Variants in EBF3 observed in about 807,000 individuals in gnomAD.
EBF3 encodes transcription factor COE3.
A neutral mutation model predicts 77.1 loss-of-function variants in EBF3; 18 were observed. The ratio of observed to expected loss-of-function variants is 0.23; its 90% CI spans 0.16 to 0.35. The LOEUF is 0.35. EBF3 is among the 10% of genes least tolerant of loss of function. The pLI is 1.00. For missense variants in EBF3, 558 were observed against 860.0 expected (o/e 0.65, Z 4.39); for synonymous variants, 350 against 343.5 (o/e 1.02, Z -0.21).
intron 6 of EBF3, among the ~76,000 whole-genome samples, chr10:129,949,656 C>T (rs1395799583): frequency 6.6e-6 from 1 of 152,152 alleles, no homozygotes; most frequent in East Asian, 1.9e-4. Context: ...ATGTCACCCT[C>T]GGATGGCCCC....
chr10:129,913,622 T>G (rs888758836), intron 6 of EBF3, among the ~76,000 whole-genome samples: 3 of 152,244 alleles, frequency 2.0e-5, no homozygotes, highest in Non-Finnish European at 4.4e-5. Context: ...TGAAATGTAT[T>G]CCTTGTAAAA....
At chr10:129,910,283 C>A (rs1295670110) in intron 6 of EBF3, among the ~76,000 whole-genome samples, 1 of 152,218 alleles carries the variant, frequency 6.6e-6, no homozygotes, top group Admixed American at 6.5e-5. Flanking sequence ...TTGGCCAGTA[C>A]GGGGCCTGAA....
chr10:129,946,311 A>G (rs1858221977), intron 6 of EBF3, among the ~76,000 whole-genome samples: 1 of 152,234 alleles, frequency 6.6e-6, no homozygotes, highest in Admixed American at 6.5e-5. Flanking sequence ...AGTCTAATAA[A>G]TGGGAACAAA....
chr10:129,940,201 C>T (rs749780888), intron 6 of EBF3, among the ~76,000 whole-genome samples: 3 of 152,234 alleles, frequency 2.0e-5, no homozygotes, highest in Non-Finnish European at 2.9e-5. Context: ...GTGCCCACAG[C>T]TGTAGGTCAG....
chr10:129,861,908 TG>T lies in EBF3; in HGVS notation c.1039+5232del, dbSNP rs1851665543. On this transcript the variant is annotated intron_variant, in intron 10 of 16. Transcript: ENST00000440978. The surrounding 1 kb of genome is among the most constrained non-coding windows in gnomAD (Gnocchi z 4.3). ...AGCACCGGCCTGGGAGACAGCAAGC[TG>T]GGGCTGGCGTGGTCGAAGGGCACAG... 6.6e-6 allele frequency among the ~76,000 whole-genome samples: 1 copy of T among 152,310 alleles called. No individual in the cohort carries two copies. The highest frequency in any genetic ancestry group is 1.9e-4 in the East Asian group (1 of 5,178).
At chr10:129,882,186 T>C (rs890767730) in intron 6 of EBF3, among the ~76,000 whole-genome samples, 1 of 152,280 alleles carries the variant, frequency 6.6e-6, no homozygotes, top group African/African-American at 2.4e-5. Context: ...CTTCTCTATC[T>C]GATGAAAATC....
chr10:129,886,556 C>G (rs1321539489), intron 6 of EBF3, among the ~76,000 whole-genome samples: 59 of 152,190 alleles, frequency 3.9e-4, no homozygotes, highest in Admixed American at 3.9e-3. Flanking sequence ...GTGTTAAAAT[C>G]TCAGTAAACC....
At chr10:129,895,117 G>A (rs991691253) in intron 6 of EBF3, among the ~76,000 whole-genome samples, 5 of 152,246 alleles carry the variant, frequency 3.3e-5, no homozygotes, top group South Asian at 2.1e-4. Context: ...GCCACTGGGC[G>A]AGACACTTAA....
At chr10:129,921,206 G>T (rs1214048951) in intron 6 of EBF3, among the ~76,000 whole-genome samples, 1 of 149,616 alleles carries the variant, frequency 6.7e-6, no homozygotes, top group Non-Finnish European at 1.5e-5. Context: ...GATCGCAGTG[G>T]GCAAGGGGTC....
intron 6 of EBF3, among the ~76,000 whole-genome samples, chr10:129,916,202 A>T (rs1476321727): frequency 1.3e-5 from 2 of 152,144 alleles, no homozygotes; most frequent in Admixed American, 6.5e-5. Flanking sequence ...TGGGGGAGAG[A>T]CGGGCGGGTG....
chr10:129,906,313 T>C (rs1855139112), intron 6 of EBF3, among the ~76,000 whole-genome samples: 2 of 152,222 alleles, frequency 1.3e-5, no homozygotes, highest in South Asian at 4.1e-4. Context: ...GATTGTGAAA[T>C]TGCAACATGT....
At chr10:129,869,754 C>A (rs138528621) in intron 8 of EBF3, among the ~76,000 whole-genome samples, 1 of 152,176 alleles carries the variant, frequency 6.6e-6, no homozygotes, top group Admixed American at 6.6e-5. Context: ...GCTCATTCCA[C>A]GCGCATCTCC....
chr10:129,909,415 A>T (rs1855363000), intron 6 of EBF3, among the ~76,000 whole-genome samples: 1 of 152,216 alleles, frequency 6.6e-6, no homozygotes, highest in African/African-American at 2.4e-5. Context: ...GCCTCCAGTT[A>T]TGCTGCTGGA....
At chr10:129,892,017 T>G (rs1854051498) in intron 6 of EBF3, among the ~76,000 whole-genome samples, 1 of 152,120 alleles carries the variant, frequency 6.6e-6, no homozygotes, top group Admixed American at 6.5e-5. Context: ...TAAGGGAGAT[T>G]GATGGGCCCG....
chr10:129,883,652 T>C (rs1025570674), intron 6 of EBF3, among the ~76,000 whole-genome samples: 4 of 151,768 alleles, frequency 2.6e-5, no homozygotes, highest in Admixed American at 6.6e-5. Flanking sequence ...TTTCAGTTAC[T>C]ACTGTTTTAA....
At chr10:129,932,477 C>T (rs1380785704) in intron 6 of EBF3, among the ~76,000 whole-genome samples, 1 of 152,198 alleles carries the variant, frequency 6.6e-6, no homozygotes, top group East Asian at 1.9e-4. Context: ...AAGGAGTGCT[C>T]TCAAAGCTTA....
At chr10:129,890,285 C>A (rs1853929943) in intron 6 of EBF3, among the ~76,000 whole-genome samples, 1 of 152,208 alleles carries the variant, frequency 6.6e-6, no homozygotes, top group African/African-American at 2.4e-5. Context: ...GTACAAGTGA[C>A]CCTGAACTGT....
chr10:129,875,187 CTTTTTTTTTTTT>C (rs1193539598), intron 7 of EBF3, among the ~76,000 whole-genome samples: 2 of 92,932 alleles, frequency 2.2e-5, no homozygotes, highest in African/African-American at 4.1e-5. Flanking sequence ...ATGGCTTCTT[CTTTTTTTTTTTT>C]TTTTTTTTTT....
rs971895639 is a variant in EBF3 at position 129,861,073 on chromosome 10, C to A, written c.1039+6068G>T. On this transcript the variant is annotated intron_variant, in intron 10 of 16. Transcript: ENST00000440978. The surrounding 1 kb of genome is among the most constrained non-coding windows in gnomAD (Gnocchi z 4.3). The stretch of plus-strand genomic sequence containing the variant: ...GACCCTGGAAGCCCTCCCGGCCCCA[C>A]TCTTCAAAGGGCCGTGTTATCGAAT... 6.6e-6 allele frequency among the ~76,000 whole-genome samples: 1 copy of A among 152,244 alleles called. No homozygotes were observed. The highest frequency in any genetic ancestry group is 2.4e-5 in the African/African-American group (1 of 41,474).
Sources: gnomAD v4.1 joint callset for allele counts (sites outside exome capture counted in the v4.1 genomes callset) on GRCh38, gnomAD v4.1.1 for gene constraint, Gnocchi (gnomAD v3.1) non-coding constraint, MANE v1.5 for transcripts, NCBI Gene and HGNC (gene_info 2026-07-23, HGNC 2026-07-21) for gene names.